The following ZNF451 variants were observed in gnomAD, a reference collection of about 807,000 sequenced individuals.
The protein encoded by ZNF451 is zinc finger protein 451.
A neutral mutation model predicts 107.1 loss-of-function variants in ZNF451; 80 were observed. The ratio of observed to expected loss-of-function variants is 0.75; its 90% CI spans 0.62 to 0.90. ZNF451 has a LOEUF of 0.90. Ranked by LOEUF, ZNF451 falls within the 40% of genes least tolerant of loss-of-function variation. ZNF451 has a pLI of 0.00. For missense variants in ZNF451, 1,107 were observed against 1,236.2 expected (o/e 0.90, Z 1.57); for synonymous variants, 362 against 406.5 (o/e 0.89, Z 1.32).
chr6:57,162,809 G>A (rs1763724499), intron 14 of ZNF451, among the ~76,000 whole-genome samples: 2 of 152,292 alleles, frequency 1.3e-5, no homozygotes, highest in Non-Finnish European at 1.5e-5. Flanking sequence ...AACTGGATAT[G>A]TACCACATAT....
intron 3 of ZNF451, chr6:57,101,761 A>T: frequency 6.4e-7 from 1 of 1,550,608 alleles, no homozygotes; most frequent in Non-Finnish European, 8.7e-7. Context: ...AGTCAGAGTT[A>T]TGGCCATGGC....
intron 13 of ZNF451, chr6:57,158,878 G>A: frequency 1.0e-5 from 10 of 985,408 alleles, no homozygotes; most frequent in Non-Finnish European, 1.2e-5. Context: ...AGTAGGGTTG[G>A]CATCTATGAG....
At chr6:57,145,944 G>C (rs1438689279) in intron 9 of ZNF451, among the ~76,000 whole-genome samples, 2 of 152,050 alleles carry the variant, frequency 1.3e-5, no homozygotes, top group Non-Finnish European at 2.9e-5. Flanking sequence ...CCTTTTCTCT[G>C]TATCCTTGCC....
intron 3 of ZNF451, chr6:57,116,397 C>A (rs895452589): frequency 3.3e-5 from 5 of 151,696 alleles, no homozygotes; most frequent in Admixed American, 1.3e-4. Context: ...ACTAAAAATA[C>A]AAAAATTAGC....
intron 7 of ZNF451, among the ~76,000 whole-genome samples, chr6:57,136,473 T>C (rs2127969439): frequency 6.6e-6 from 1 of 152,216 alleles, no homozygotes; most frequent in South Asian, 2.1e-4. Context: ...TTGTTTGACT[T>C]AGGTAATGGC....
At chr6:57,138,331 C>T (rs971457515) in intron 7 of ZNF451, among the ~76,000 whole-genome samples, 11 of 150,728 alleles carry the variant, frequency 7.3e-5, no homozygotes, top group Non-Finnish European at 1.0e-4. Flanking sequence ...GGTGCAGTTT[C>T]GGCTCACTGC....
chr6:57,139,857 A>G (rs900468679), intron 7 of ZNF451, among the ~76,000 whole-genome samples: 3 of 152,120 alleles, frequency 2.0e-5, no homozygotes, highest in African/African-American at 7.2e-5. Context: ...AGCTTGGGCA[A>G]CATGGAAAGA....
At position 57,099,136 on chromosome 6, in the gene ZNF451, A is replaced by C. The variant is rs762620320; in HGVS notation, c.181A>C (p.Thr61Pro). ...TGATGAAGAGCCTAGCACCTCTTAT[A>C]CTGATGTAAGTACATTATATTTGAT... Reference protein sequence around the residue: ...SDDEEPSTSYTDENIKRKDHI... With the variant: ...SDDEEPSTSYPDENIKRKDHI... The change falls in exon 3 of 15, where the codon ACT becomes CCT. Residue 61 changes from threonine to proline, a missense_variant. By Grantham distance (38) the Thr-to-Pro change is conservative (BLOSUM62 -1). Around this residue, in one of 5 missense-constraint regions of ZNF451, gnomAD observed 339 missense variants for 372.8 expected, o/e 0.91. Transcript: ENST00000370706. The C allele has an allele frequency of 1.1e-4, 170 of 1,605,686 alleles. 2 individuals carry two copies. In the East Asian group the frequency reaches 2.5e-3, roughly 24 times the overall value.
chr6:57,159,445 C>T, intron 13 of ZNF451: 1 of 967,790 alleles, frequency 1.0e-6, no homozygotes, highest in Non-Finnish European at 1.2e-6. Flanking sequence ...TAACCTGTGG[C>T]CCACGGGCCA....
At chr6:57,140,258 G>A (rs1383229658) in intron 7 of ZNF451, among the ~76,000 whole-genome samples, 8 of 151,954 alleles carry the variant, frequency 5.3e-5, no homozygotes, top group African/African-American at 1.5e-4. Context: ...TTATAGATAG[G>A]AAATGCAAAT....
rs931838168 is a variant in ZNF451 at position 57,169,481 on chromosome 6, G to A, written c.*1012G>A. ...GAAGGGCTTGTCATATTATCTTTGT[G>A]TATATGCTTCATGTTATTTAACCAG... On this transcript the variant is annotated 3_prime_UTR_variant, in exon 15 of 15. Coordinates refer to ENST00000370706, the MANE Select transcript of ZNF451 (RefSeq NM_001031623.3). The A allele has an allele frequency of 2.6e-5, 4 of 152,002 alleles. No homozygotes were observed. Among genetic ancestry groups the A allele is most frequent in the African/African-American group, 7.2e-5 (3 of 41,422 alleles). The allele number at this position is 152,002 out of a possible 1,614,324, so 9.4% of individuals were successfully genotyped here.
At chr6:57,135,543 A>G (rs1423415947) in intron 7 of ZNF451, among the ~76,000 whole-genome samples, 1 of 152,194 alleles carries the variant, frequency 6.6e-6, no homozygotes, top group Non-Finnish European at 1.5e-5. Flanking sequence ...TGTTTTTAGT[A>G]TTACTCCATA....
At chr6:57,126,544 T>C (rs1239318770) in intron 4 of ZNF451, 1 of 152,148 alleles carries the variant, frequency 6.6e-6, no homozygotes, top group East Asian at 1.9e-4. Flanking sequence ...CTTTGTGAAT[T>C]GTTGGTGTCT....
chr6:57,126,232 T>C (rs1184032733), intron 4 of ZNF451, among the ~76,000 whole-genome samples: 1 of 152,182 alleles, frequency 6.6e-6, no homozygotes, highest in Non-Finnish European at 1.5e-5. Flanking sequence ...TTTTTAATTT[T>C]TTGTTTAACC....
chr6:57,134,818 G>C lies in ZNF451; in HGVS notation c.650G>C (p.Cys217Ser). Residue 217 changes from cysteine to serine, a missense_variant, in exon 7 of 15, where the codon TGT (cysteine) becomes TCT (serine). Coordinates refer to ENST00000370706, the MANE Select transcript of ZNF451 (RefSeq NM_001031623.3). ...PFFSSFACVV[C>S]YKKFVTQQQY... ...TTCAGCTCCTTTGCTTGTGTAGTAT[G>C]TTATAAAAAATTTGTTACTCAACAA... 6.2e-7 allele frequency: 1 copy of C among 1,611,968 alleles called. No homozygotes were observed. Among genetic ancestry groups the C allele is most frequent in the Non-Finnish European group, 8.5e-7 (1 of 1,178,922 alleles).
rs570162604 is a variant in ZNF451, at chr6:57,129,578, A to C, written c.424+738A>C. On this transcript the variant is annotated intron_variant, in intron 5 of 14. Coordinates refer to ENST00000370706, the MANE Select transcript of ZNF451 (RefSeq NM_001031623.3). ...TGCAATGCTTAACTTTGTTGAACCTAGGTATCTTGGATTCTAAAGTTAGTT... is the reference window on the plus strand; with the variant it reads ...TGCAATGCTTAACTTTGTTGAACCTCGGTATCTTGGATTCTAAAGTTAGTT... 1.6e-4 allele frequency among the ~76,000 whole-genome samples: 25 copies of C among 152,334 alleles called. No homozygotes were observed. In the South Asian group the frequency reaches 2.3e-3, roughly 14 times the overall value.
At chr6:57,164,411 G>T (rs535904322) in intron 14 of ZNF451, among the ~76,000 whole-genome samples, 1 of 152,212 alleles carries the variant, frequency 6.6e-6, no homozygotes, top group East Asian at 1.9e-4. Flanking sequence ...GGATTATGAT[G>T]ATCATTATGC....
At chr6:57,137,236 A>T (rs186768775) in intron 7 of ZNF451, among the ~76,000 whole-genome samples, 1 of 152,244 alleles carries the variant, frequency 6.6e-6, no homozygotes, top group South Asian at 2.1e-4. Flanking sequence ...AGAAGATTGT[A>T]TAAGCCTCGC....
chr6:57,127,865 T>G (rs1267555880), intron 4 of ZNF451, among the ~76,000 whole-genome samples: 1 of 152,192 alleles, frequency 6.6e-6, no homozygotes, highest in East Asian at 1.9e-4. Flanking sequence ...AGATTTAGGC[T>G]TTTAGCAATA....
Sources: gnomAD v4.1 joint callset for allele counts (sites outside exome capture counted in the v4.1 genomes callset) on GRCh38, gnomAD v4.1.1 for gene constraint, gnomAD v4.1.1 regional missense constraint, MANE v1.5 for transcripts, NCBI Gene and HGNC (gene_info 2026-07-23, HGNC 2026-07-21) for gene names.